Variants in AFF2 observed in about 807,000 individuals in gnomAD.
AFF2 encodes the protein AF4/FMR2 family member 2.
Under a neutral mutation model 76.9 loss-of-function variants are expected in AFF2, and 14 were observed. The observed-to-expected ratio is 0.18, with a 90% CI of 0.12 to 0.28. The LOEUF (loss-of-function observed/expected upper bound fraction) is 0.28, where lower values mean the gene tolerates loss of function less well. AFF2 is among the 10% of genes least tolerant of loss of function. The pLI is 1.00. For synonymous variants in AFF2, 398 were observed against 366.7 expected, an observed-to-expected ratio of 1.09 and a Z score of -0.98; for missense variants, 868 against 1,001.1, an observed-to-expected ratio of 0.87 and a Z score of 1.79.
chrX:148,955,557 T>C (rs782453420), intron 10 of AFF2, 46 bp from the exon 11 acceptor site: 18 of 1,163,065 alleles, frequency 1.5e-5, no homozygotes, highest in Non-Finnish European at 1.7e-5. Flanking sequence ...TCTTGAATCC[T>C]TCCCAAGTGT....
At chrX:148,831,384 C>T (rs1191900007) in intron 4 of AFF2, among the ~76,000 whole-genome samples, 2 of 112,111 alleles carry the variant, frequency 1.8e-5, no homozygotes, top group Admixed American at 9.4e-5. Flanking sequence ...TCAGAGACTG[C>T]AGTAAAGACA....
intron 4 of AFF2, among the ~76,000 whole-genome samples, chrX:148,810,464 T>G (rs2070189142): frequency 8.9e-6 from 1 of 112,532 alleles, no homozygotes; most frequent in Non-Finnish European, 1.9e-5. Context: ...GGCTATAATC[T>G]CTTCTGAAGT....
intron 1 of AFF2, among the ~76,000 whole-genome samples, chrX:148,505,335 C>T: frequency 8.9e-6 from 1 of 111,832 alleles, no homozygotes; most frequent in African/African-American, 3.2e-5. Flanking sequence ...AAAATTATCT[C>T]ATGGTAGAAA....
rs1365131759 is a variant in AFF2 at position 148,794,368 on chromosome X, C to G, written c.1042-15508C>G. Among the ~76,000 whole-genome samples the G allele has an allele frequency of 4.5e-5, 5 of 111,722 alleles. No individual in the cohort carries two copies. In the Admixed American group the frequency reaches 4.8e-4, roughly 11 times the overall value. The stretch of plus-strand genomic sequence containing the variant: ...TGGGGGGAGGACAATTTTGAGGGCA[C>G]ATCTGAATTACCAGTGAACCCATAG... On this transcript the variant is annotated intron_variant, in intron 3 of 20. Transcript: ENST00000370460.
At chrX:148,739,593 A>G (rs2055326093) in intron 3 of AFF2, among the ~76,000 whole-genome samples, 1 of 111,798 alleles carries the variant, frequency 8.9e-6, no homozygotes, top group Non-Finnish European at 1.9e-5. Flanking sequence ...GCGTTTCTGT[A>G]TCTTTTAAGT....
chrX:148,583,816 A>G (rs1478180721), intron 1 of AFF2, among the ~76,000 whole-genome samples: 1 of 111,747 alleles, frequency 8.9e-6, no homozygotes, highest in East Asian at 2.8e-4. Flanking sequence ...TTAACTAATT[A>G]ACTCAATTCT....
At chrX:148,669,768 C>A (rs1557258899) in intron 3 of AFF2, among the ~76,000 whole-genome samples, 3 of 111,415 alleles carry the variant, frequency 2.7e-5, no homozygotes, top group Non-Finnish European at 5.7e-5. Context: ...TGAGGTATAT[C>A]ACCAGTTTAT....
At chrX:148,828,768 G>T (rs186661469) in intron 4 of AFF2, among the ~76,000 whole-genome samples, 1 of 111,998 alleles carries the variant, frequency 8.9e-6, no homozygotes, top group East Asian at 2.8e-4. Context: ...AAAAAAAGTT[G>T]CATGAATAGG....
At chrX:148,557,916 A>G (rs1344407467) in intron 1 of AFF2, among the ~76,000 whole-genome samples, 1 of 111,957 alleles carries the variant, frequency 8.9e-6, no homozygotes, top group Admixed American at 9.5e-5. Context: ...AATTATATTC[A>G]CAGAGAGGTT....
chrX:148,615,097 C>T (rs2053784093), intron 1 of AFF2, among the ~76,000 whole-genome samples: 2 of 111,061 alleles, frequency 1.8e-5, no homozygotes, highest in African/African-American at 6.5e-5. Flanking sequence ...AGGTTTGCAG[C>T]AAGTTTATAT....
intron 1 of AFF2, among the ~76,000 whole-genome samples, chrX:148,527,261 T>G (rs1235679320): frequency 8.9e-6 from 1 of 111,744 alleles, no homozygotes; most frequent in Non-Finnish European, 1.9e-5. Context: ...TGAGGAAACA[T>G]CAGACAATAA....
At chrX:148,981,390 A>C (rs782205754) in intron 19 of AFF2, among the ~76,000 whole-genome samples, 135 of 110,859 alleles carry the variant, frequency 1.2e-3, no homozygotes, top group African/African-American at 4.2e-3. Flanking sequence ...GTAGGGGCCC[A>C]AAAACCGTTG....
intron 1 of AFF2, among the ~76,000 whole-genome samples, chrX:148,633,510 T>C (rs1449755177): frequency 1.8e-5 from 2 of 112,362 alleles, no homozygotes; most frequent in Admixed American, 9.4e-5. Flanking sequence ...TATTCAGTCA[T>C]ATAATTGGCT....
At chrX:148,576,085 T>A (rs1443619999) in intron 1 of AFF2, among the ~76,000 whole-genome samples, 1 of 111,273 alleles carries the variant, frequency 9.0e-6, no homozygotes, top group Non-Finnish European at 1.9e-5. Flanking sequence ...TCCCTGCTTC[T>A]GTTTTGGTAA....
intron 1 of AFF2, among the ~76,000 whole-genome samples, chrX:148,533,504 G>A (rs926156223): frequency 1.7e-4 from 19 of 111,055 alleles, no homozygotes; most frequent in Non-Finnish European, 3.4e-4. Flanking sequence ...GTGTTAGCCA[G>A]GATGGTCTTG....
chrX:148,879,263 A>G (rs782732537), intron 7 of AFF2, among the ~76,000 whole-genome samples: 1 of 111,593 alleles, frequency 9.0e-6, no homozygotes, highest in African/African-American at 3.3e-5. Flanking sequence ...TTCCCATTGC[A>G]TAGAAGAGAA....
At chrX:148,594,876 G>A (rs1405530133) in intron 1 of AFF2, among the ~76,000 whole-genome samples, 2 of 111,989 alleles carry the variant, frequency 1.8e-5, no homozygotes, top group Non-Finnish European at 3.8e-5. Context: ...ATAAAACAGA[G>A]GTTTGTTGTC....
intron 8 of AFF2, among the ~76,000 whole-genome samples, chrX:148,887,359 C>T (rs782602892): frequency 1.5e-4 from 17 of 112,034 alleles, no homozygotes; most frequent in African/African-American, 5.2e-4. Context: ...ATAGCAGGAG[C>T]ATCATATTTG....
At chrX:148,641,278 GTTCA>G (rs2054086475) in intron 1 of AFF2, among the ~76,000 whole-genome samples, 2 of 111,931 alleles carry the variant, frequency 1.8e-5, no homozygotes, top group Non-Finnish European at 3.8e-5. Flanking sequence ...CCTGTCATTT[GTTCA>G]TTCATTCAGT....
Sources: allele counts gnomAD v4.1 joint callset (sites outside exome capture counted in the v4.1 genomes callset), GRCh38; gene constraint gnomAD v4.1.1; transcripts MANE v1.5; gene names NCBI Gene and HGNC (gene_info 2026-07-23, HGNC 2026-07-21).